The following MYOZ2 variants were observed in gnomAD, a reference collection of about 807,000 sequenced individuals.
The protein encoded by MYOZ2 is myozenin 2.
A neutral mutation model predicts 25.4 loss-of-function variants in MYOZ2; 19 were observed. The observed-to-expected ratio is 0.75, with a 90% CI of 0.52 to 1.10. The LOEUF (loss-of-function observed/expected upper bound fraction) is 1.10, where lower values mean the gene tolerates loss of function less well. Ranked by LOEUF, MYOZ2 falls within the 50% of genes least tolerant of loss-of-function variation. The probability of loss-of-function intolerance (pLI) is 0.00; values close to 1 mark genes in which losing one functional copy is unlikely to be tolerated. For synonymous variants in MYOZ2, 92 were observed against 106.9 expected (o/e 0.86, Z 0.86); for missense variants, 270 against 317.9 (o/e 0.85, Z 1.15).
chr4:119,138,424 T>C (rs1741085558), intron 2 of MYOZ2, among the ~76,000 whole-genome samples: 1 of 152,206 alleles, frequency 6.6e-6, no homozygotes, highest in African/African-American at 2.4e-5. Flanking sequence ...CTTTACTATT[T>C]GTGTATAGCA....
At chr4:119,164,162 G>A (rs575846372) in intron 4 of MYOZ2, 49 bp from the exon 5 acceptor site, 73 of 1,543,724 alleles carry the variant, frequency 4.7e-5, no homozygotes, top group Non-Finnish European at 5.7e-5. Context: ...GTGGAGGTTA[G>A]TAACTCTCGG....
intron 4 of MYOZ2, among the ~76,000 whole-genome samples, chr4:119,162,699 A>G (rs1741738551): frequency 6.6e-6 from 1 of 152,216 alleles, no homozygotes; most frequent in African/African-American, 2.4e-5. Flanking sequence ...TATCCAAGAT[A>G]ATTCAGACAA....
intron 4 of MYOZ2, among the ~76,000 whole-genome samples, chr4:119,160,464 T>C (rs1251347528): frequency 2.0e-5 from 3 of 152,076 alleles, no homozygotes; most frequent in Non-Finnish European, 1.5e-5. Context: ...GAAGAATTAA[T>C]CTCTATCTTC....
chr4:119,168,547 A>T (rs2149226567), intron 5 of MYOZ2, among the ~76,000 whole-genome samples: 1 of 152,268 alleles, frequency 6.6e-6, no homozygotes, highest in South Asian at 2.1e-4. Flanking sequence ...TCCAACTCTC[A>T]TGGTTAACTT....
chr4:119,184,745 T>C (rs1422125508), intron 5 of MYOZ2, among the ~76,000 whole-genome samples: 1 of 152,198 alleles, frequency 6.6e-6, no homozygotes, highest in Non-Finnish European at 1.5e-5. Context: ...GGATCTTGAA[T>C]GACAAGATAT....
intron 3 of MYOZ2, among the ~76,000 whole-genome samples, chr4:119,154,704 C>A (rs1015183215): frequency 6.6e-6 from 1 of 152,004 alleles, no homozygotes; most frequent in African/African-American, 2.4e-5. Context: ...TCTCAAATGC[C>A]TTTTTATTTA....
intron 5 of MYOZ2, among the ~76,000 whole-genome samples, chr4:119,170,092 G>A (rs937230126): frequency 2.6e-5 from 4 of 151,822 alleles, no homozygotes; most frequent in African/African-American, 4.8e-5. Flanking sequence ...TCATAATGTC[G>A]TGCCACCATC....
At chr4:119,146,972 C>G (rs1437507687) in intron 2 of MYOZ2, among the ~76,000 whole-genome samples, 1 of 152,036 alleles carries the variant, frequency 6.6e-6, no homozygotes, top group Non-Finnish European at 1.5e-5. Flanking sequence ...TAATGCCCTC[C>G]TCTGTTTCTG....
At chr4:119,166,281 T>C (rs1741821904) in intron 5 of MYOZ2, among the ~76,000 whole-genome samples, 1 of 152,060 alleles carries the variant, frequency 6.6e-6, no homozygotes, top group African/African-American at 2.4e-5. Flanking sequence ...TTGAAGCGTA[T>C]GTAGGCCAGG....
At position 119,187,454 on chromosome 4, in the gene MYOZ2, A is replaced by C. The variant is rs908947734; in HGVS notation, c.*1254A>C. 6.6e-6 allele frequency: 1 copy of C among 150,864 alleles called. No homozygotes were observed. The highest frequency in any genetic ancestry group is 2.4e-5 in the African/African-American group (1 of 41,254). The allele number at this position is 150,864 out of a possible 1,614,324, so 9.3% of individuals were successfully genotyped here. A position where few individuals can be genotyped will look rare whatever the true frequency, so the allele number is the denominator to read the frequency against. On this transcript the variant is annotated 3_prime_UTR_variant, in exon 6 of 6. Coordinates refer to ENST00000307128, the MANE Select transcript of MYOZ2 (RefSeq NM_016599.5). Reference sequence around the variant, plus strand: ...CCAAGTTGCAACATTACATGTTTACAAAAAAAAATCTGTGTTTGTAGTGTG... The same window carrying C: ...CCAAGTTGCAACATTACATGTTTACCAAAAAAAATCTGTGTTTGTAGTGTG...
chr4:119,172,371 G>C (rs900382879), intron 5 of MYOZ2, among the ~76,000 whole-genome samples: 1 of 152,118 alleles, frequency 6.6e-6, no homozygotes, highest in Non-Finnish European at 1.5e-5. Context: ...AGGAAAATTT[G>C]GTGGGTAGTG....
At chr4:119,161,377 A>G (rs1227256701) in intron 4 of MYOZ2, among the ~76,000 whole-genome samples, 1 of 152,162 alleles carries the variant, frequency 6.6e-6, no homozygotes, top group Non-Finnish European at 1.5e-5. Flanking sequence ...ATTCCAATTT[A>G]GCAAATTAAT....
At position 119,160,509 on chromosome 4, in the gene MYOZ2, G is replaced by A. The variant is rs188627476; in HGVS notation, c.376+2358G>A. Among the ~76,000 whole-genome samples, 8 of 152,180 alleles carry A rather than the reference G, an allele frequency of 5.3e-5. No homozygotes were observed. In the East Asian group the frequency reaches 1.2e-3, roughly 22 times the overall value. On this transcript the variant is annotated intron_variant, in intron 4 of 5. Transcript: ENST00000307128. ...ATAGACATAGAGAGATAGAGCAGAT[G>A]TCCAAAGAATATCTATATTTTCACT...
intron 2 of MYOZ2, among the ~76,000 whole-genome samples, chr4:119,139,440 A>G: frequency 6.6e-6 from 1 of 152,202 alleles, no homozygotes; most frequent in East Asian, 1.9e-4. Context: ...ATGGCCTCTG[A>G]TAGTCCCCAC....
intron 2 of MYOZ2, among the ~76,000 whole-genome samples, chr4:119,148,674 G>T (rs1741366461): frequency 7.4e-6 from 1 of 134,760 alleles, no homozygotes; most frequent in South Asian, 2.3e-4. Context: ...ATTATATTTT[G>T]AGTTCTAAAA....
chr4:119,141,377 T>C (rs1211454548), intron 2 of MYOZ2, among the ~76,000 whole-genome samples: 4 of 144,558 alleles, frequency 2.8e-5, no homozygotes, highest in Non-Finnish European at 5.9e-5. Context: ...TATTATTTTC[T>C]TTCTTTCTTT....
At chr4:119,173,324 T>A (rs1472682672) in intron 5 of MYOZ2, among the ~76,000 whole-genome samples, 9 of 152,212 alleles carry the variant, frequency 5.9e-5, no homozygotes, top group African/African-American at 1.4e-4. Context: ...ACTGGGGAGA[T>A]AGATGCACAG....
intron 5 of MYOZ2, among the ~76,000 whole-genome samples, chr4:119,171,032 C>A (rs1426830379): frequency 2.6e-5 from 4 of 152,000 alleles, no homozygotes; most frequent in Admixed American, 6.6e-5. Context: ...TAAATAACAG[C>A]AAACCTGTAA....
chr4:119,170,286 T>G (rs200300955), intron 5 of MYOZ2, among the ~76,000 whole-genome samples: 14 of 144,010 alleles, frequency 9.7e-5, no homozygotes, highest in East Asian at 4.0e-4. Flanking sequence ...ATTTGTTGTT[T>G]TTTTTTTTTG....
Sources: gnomAD v4.1 joint callset for allele counts (sites outside exome capture counted in the v4.1 genomes callset) on GRCh38, gnomAD v4.1.1 for gene constraint, MANE v1.5 for transcripts, NCBI Gene and HGNC (gene_info 2026-07-23, HGNC 2026-07-21) for gene names.